The following CCDC158 variants were observed in gnomAD, a reference collection of about 807,000 sequenced individuals.
CCDC158 encodes coiled-coil domain containing 158.
In CCDC158, 116 loss-of-function variants were observed where a neutral mutation model predicts 138.6. The ratio of observed to expected loss-of-function variants is 0.84; its 90% CI spans 0.72 to 0.98. The LOEUF is 0.98. Ranked by LOEUF, CCDC158 falls within the 50% of genes least tolerant of loss-of-function variation. The pLI, the probability that CCDC158 is intolerant of heterozygous loss-of-function variation, is 0.00. For missense variants in CCDC158, 1,265 were observed against 1,306.1 expected, an observed-to-expected ratio of 0.97 and a Z score of 0.48; for synonymous variants, 436 against 442.4, an observed-to-expected ratio of 0.99 and a Z score of 0.18.
At chr4:76,402,435 C>T (rs1052773716) in intron 3 of CCDC158, among the ~76,000 whole-genome samples, 6 of 152,196 alleles carry the variant, frequency 3.9e-5, no homozygotes, top group South Asian at 2.1e-4. Context: ...CAGCCCTCTC[C>T]GTGGTTCTAC....
intron 9 of CCDC158, among the ~76,000 whole-genome samples, chr4:76,374,233 C>A (rs1161349779): frequency 6.6e-6 from 1 of 152,178 alleles, no homozygotes; most frequent in East Asian, 1.9e-4. Context: ...CATAAAAATT[C>A]AAGCTCTGTA....
intron 18 of CCDC158, among the ~76,000 whole-genome samples, chr4:76,349,317 G>A (rs574024942): frequency 6.6e-6 from 1 of 152,288 alleles, no homozygotes; most frequent in South Asian, 2.1e-4. Flanking sequence ...TATAAAGCAT[G>A]TCTGACAGTA....
Position 76,384,354 on chromosome 4 carries a change from G to C in CCDC158, c.460C>G (p.Leu154Val), listed in dbSNP as rs1187029788. Residue 154 changes from leucine (L) to valine (V), a missense_variant, in exon 6 of 25, where the codon CTT (leucine) becomes GTT (valine). Physicochemically the swap from Leu to Val is conservative, Grantham distance 32. Transcript: ENST00000682701. ...TCTTTAAGGCATTTGGCAGCTTCAAGTTCATGAACTGTATTTTGAAGCTGA... is the reference window on the plus strand; with the variant it reads ...TCTTTAAGGCATTTGGCAGCTTCAACTTCATGAACTGTATTTTGAAGCTGA... ...RNQLQNTVHE[L>V]EAAKCLKEDM... 6.2e-7 allele frequency: 1 copy of C among 1,614,064 alleles called. No individual in the cohort carries two copies. The highest frequency in any genetic ancestry group is 8.5e-7 in the Non-Finnish European group (1 of 1,179,992).
At chr4:76,398,837 C>CAG (rs145723020) in intron 3 of CCDC158, among the ~76,000 whole-genome samples, 4,744 of 149,388 alleles carry the variant, frequency 0.032, 246 homozygotes, top group African/African-American at 0.11. Context: ...GAGAAACATA[C>CAG]AGAGAGAGAG....
At chr4:76,331,616 T>C (rs761346401) in intron 20 of CCDC158, among the ~76,000 whole-genome samples, 8 of 152,184 alleles carry the variant, frequency 5.3e-5, no homozygotes, top group Non-Finnish European at 1.2e-4. Context: ...AGAGTGAGAA[T>C]GGGGCATTGG....
chr4:76,396,714 GTTA>G (rs1335321451), intron 3 of CCDC158, among the ~76,000 whole-genome samples: 1 of 151,924 alleles, frequency 6.6e-6, no homozygotes, highest in Non-Finnish European at 1.5e-5. Flanking sequence ...GTTTCACCAT[GTTA>G]GCCATGGTGA....
Position 76,313,241 on chromosome 4 carries a change from A to G in CCDC158, c.3283T>C (p.Ser1095Pro), listed in dbSNP as rs202034960. Residue 1095 changes from serine to proline, a missense_variant, in exon 25 of 25, where the codon TCT becomes CCT. Ser to Pro is a moderately conservative substitution (Grantham distance 74). Transcript: ENST00000682701. ...EDLQLKNQAM[S>P]SMIRNQEKRI... ...TTTTCTTGATTTCTGATCATTGAAG[A>G]CATTGCTGAAAATGTTGATAAAACA... 3.6e-5 allele frequency: 57 copies of G among 1,595,768 alleles called. No individual in the cohort carries two copies. Among genetic ancestry groups the G allele is most frequent in the Non-Finnish European group, 4.6e-5 (54 of 1,167,684 alleles).
At chr4:76,413,272 G>A (rs564203659) in intron 1 of CCDC158, among the ~76,000 whole-genome samples, 37 of 152,016 alleles carry the variant, frequency 2.4e-4, no homozygotes, top group African/African-American at 8.7e-4. Flanking sequence ...TCAGGAGTTT[G>A]AGACCAGCCT....
chr4:76,351,256 G>T, intron 17 of CCDC158, 135 bp from the exon 18 acceptor site: 1 of 784,338 alleles, frequency 1.3e-6, no homozygotes, highest in Non-Finnish European at 1.9e-6. Context: ...TAGCTTTAAA[G>T]TACACTTCTT....
intron 11 of CCDC158, among the ~76,000 whole-genome samples, chr4:76,369,119 G>A (rs1256825471): frequency 6.6e-6 from 1 of 152,162 alleles, no homozygotes; most frequent in South Asian, 2.1e-4. Context: ...GGAGGCTGAG[G>A]TAGGAGAATT....
intron 20 of CCDC158, 116 bp downstream of exon 20, chr4:76,332,316 C>A: frequency 1.3e-6 from 1 of 757,932 alleles, no homozygotes; most frequent in Non-Finnish European, 2.2e-6. Context: ...ACAACGAACC[C>A]AATATGCCCA....
In CCDC158 at chr4:76,362,298, T is replaced by A. The variant is rs1477204270; in HGVS notation, c.1848A>T (p.Lys616Asn). ...LKELKILKDK[K>N]DAKIRELEAR... is the part of the protein sequence containing the mutation. ...CCTCAAGCTCCCGGATCTTTGCATC[T>A]TTTTTATCTTTTAATATCTAAATAT... The change falls in exon 13 of 25, where the codon AAA (lysine) becomes AAT (asparagine). Residue 616 changes from lysine (K) to asparagine (N), a missense_variant. By Grantham distance (94) the Lys-to-Asn change is moderately conservative (BLOSUM62 0). Transcript: ENST00000682701. 1.2e-6 allele frequency: 2 copies of A among 1,611,260 alleles called. No homozygotes were observed. Among genetic ancestry groups the A allele is most frequent in the African/African-American group, 2.7e-5 (2 of 74,808 alleles).
At position 76,334,161 on chromosome 4, in the gene CCDC158, T is replaced by C; in HGVS notation, c.2671A>G (p.Thr891Ala). ...TCTTCCTTCAGTGTGTTAGCTTTTGTAGAGTGCTGAGTTAAAACAATTTAC... is the reference window on the plus strand; with the variant it reads ...TCTTCCTTCAGTGTGTTAGCTTTTGCAGAGTGCTGAGTTAAAACAATTTAC... Reference protein sequence around the residue: ...STASFLSHHSTKANTLKEDPT... With the variant: ...STASFLSHHSAKANTLKEDPT... The change falls in exon 19 of 25, where the codon ACA becomes GCA. Residue 891 changes from threonine to alanine, a missense_variant. By Grantham distance (58) the Thr-to-Ala change is moderately conservative. Coordinates refer to ENST00000682701, the MANE Select transcript of CCDC158 (RefSeq NM_001394954.1). The C allele has an allele frequency of 6.2e-7, 1 of 1,603,846 alleles. No individual in the cohort carries two copies. Among genetic ancestry groups the C allele is most frequent in the South Asian group, 1.1e-5 (1 of 89,634 alleles).
intron 18 of CCDC158, among the ~76,000 whole-genome samples, chr4:76,343,293 TA>T (rs1184601219): frequency 6.6e-6 from 1 of 152,102 alleles, no homozygotes; most frequent in African/African-American, 2.4e-5. Context: ...GGTCCTTCAA[TA>T]AAAAAGCATT....
intron 18 of CCDC158, among the ~76,000 whole-genome samples, chr4:76,337,789 A>G (rs948060943): frequency 3.9e-5 from 6 of 152,314 alleles, no homozygotes; most frequent in African/African-American, 1.2e-4. Flanking sequence ...ATAGTTTCAT[A>G]TAACTCTTAT....
Position 76,362,122 on chromosome 4 carries a change from A to T in CCDC158, c.2020+4T>A. The T allele has an allele frequency of 6.2e-7, 1 of 1,612,064 alleles. No individual in the cohort carries two copies. Among genetic ancestry groups the T allele is most frequent in the South Asian group, 1.1e-5 (1 of 90,966 alleles). On this transcript the variant is annotated splice_donor_region_variant and intron_variant, in intron 13 of 24. Transcript: ENST00000682701. ...TTAGTAGGATTTGTGCTGAAGCAAC[A>T]TACCTGAAAGATTGTTTAATTCACT... is the stretch of plus-strand genomic sequence containing the variant.
At chr4:76,398,390 G>A (rs1308827299) in intron 3 of CCDC158, among the ~76,000 whole-genome samples, 1 of 152,120 alleles carries the variant, frequency 6.6e-6, no homozygotes, top group Non-Finnish European at 1.5e-5. Context: ...CACTTGGCCG[G>A]GCGTGGTGGC....
chr4:76,412,462 T>A (rs1308696953), intron 1 of CCDC158, among the ~76,000 whole-genome samples: 3 of 152,206 alleles, frequency 2.0e-5, no homozygotes, highest in Middle Eastern at 3.4e-3. Context: ...AAAATTTTTT[T>A]AAAAATAGCC....
chr4:76,371,281 T>C, intron 10 of CCDC158, 136 bp downstream of exon 10: 1 of 833,202 alleles, frequency 1.2e-6, no homozygotes, highest in Non-Finnish European at 1.8e-6. Flanking sequence ...TTGAATTGTG[T>C]CTAAAATAAT....
Sources: gnomAD v4.1 joint callset for allele counts (sites outside exome capture counted in the v4.1 genomes callset) on GRCh38, gnomAD v4.1.1 for gene constraint, MANE v1.5 for transcripts, NCBI Gene and HGNC (gene_info 2026-07-23, HGNC 2026-07-21) for gene names.